BABAM2: variants seen among roughly 807,000 people sequenced by gnomAD.
BABAM2 encodes the protein BRISC and BRCA1 A complex member 2.
Under a neutral mutation model 54.7 loss-of-function variants are expected in BABAM2, and 31 were observed. The observed-to-expected ratio is 0.57, with a 90% CI of 0.43 to 0.77. The LOEUF is 0.77. BABAM2 is among the 30% of genes least tolerant of loss of function. BABAM2 has a pLI of 0.00. For synonymous variants in BABAM2, 167 were observed against 162.9 expected (o/e 1.03, Z -0.19); for missense variants, 364 against 455.8 (o/e 0.80, Z 1.83).
chr2:28,025,804 G>A (rs909815013), intron 5 of BABAM2, among the ~76,000 whole-genome samples: 2 of 152,184 alleles, frequency 1.3e-5, no homozygotes, highest in Admixed American at 6.5e-5. Context: ...TCCCAGTCAG[G>A]TAAGAGAGGT....
At chr2:27,946,628 TAGAGAGAGAGAGAAAGAGAGG>T (rs1192796340) in intron 3 of BABAM2, among the ~76,000 whole-genome samples, 1 of 145,640 alleles carries the variant, frequency 6.9e-6, no homozygotes, top group Non-Finnish European at 1.5e-5. Context: ...TGGAGCGAGA[TAGAGAGAGAGAGAAAGAGAGG>T]CGAGAGAGAG....
intron 5 of BABAM2, among the ~76,000 whole-genome samples, chr2:28,029,137 C>G (rs986882632): frequency 1.3e-5 from 2 of 152,276 alleles, no homozygotes; most frequent in African/African-American, 4.8e-5. Context: ...ATCAGCATGA[C>G]TAAAATTTTT....
At chr2:28,019,618 T>C (rs573091633) in intron 4 of BABAM2, among the ~76,000 whole-genome samples, 12 of 152,362 alleles carry the variant, frequency 7.9e-5, no homozygotes, top group African/African-American at 2.9e-4. Context: ...AGAATCTTTA[T>C]GGTTTCAGGT....
At chr2:28,252,520 G>A (rs536123831) in intron 10 of BABAM2, among the ~76,000 whole-genome samples, 1 of 152,280 alleles carries the variant, frequency 6.6e-6, no homozygotes, top group South Asian at 2.1e-4. Context: ...AGCAACCACT[G>A]TCACTATTTT....
intron 7 of BABAM2, among the ~76,000 whole-genome samples, chr2:28,235,396 C>G (rs1420151052): frequency 6.6e-6 from 1 of 152,024 alleles, no homozygotes; most frequent in Non-Finnish European, 1.5e-5. Flanking sequence ...AGAATGGTCT[C>G]GATCTCTTGA....
At chr2:27,935,273 G>A (rs1046336708) in intron 3 of BABAM2, among the ~76,000 whole-genome samples, 2 of 152,166 alleles carry the variant, frequency 1.3e-5, no homozygotes, top group Admixed American at 1.3e-4. Flanking sequence ...TTTACAGCAC[G>A]GTTTACTGAA....
At chr2:28,313,905 C>T (rs1286261102) in intron 11 of BABAM2, among the ~76,000 whole-genome samples, 3 of 152,180 alleles carry the variant, frequency 2.0e-5, no homozygotes, top group Non-Finnish European at 4.4e-5. Flanking sequence ...ACTCAGCAGA[C>T]TGAGTACAGT....
intron 10 of BABAM2, among the ~76,000 whole-genome samples, chr2:28,282,526 G>A (rs72786703): frequency 0.054 from 8,267 of 152,150 alleles, 284 homozygotes; most frequent in South Asian, 0.12. Context: ...ATGGGCTCCA[G>A]ACACAGCAGG....
At chr2:28,034,627 AGT>A (rs1336956045) in intron 5 of BABAM2, among the ~76,000 whole-genome samples, 1 of 152,120 alleles carries the variant, frequency 6.6e-6, no homozygotes, top group African/African-American at 2.4e-5. Context: ...AGAAAAAGAG[AGT>A]GTTGCTTATC....
intron 7 of BABAM2, among the ~76,000 whole-genome samples, chr2:28,178,174 C>T (rs759224377): frequency 2.0e-4 from 30 of 152,056 alleles, no homozygotes; most frequent in Admixed American, 5.2e-4. Context: ...GTATATTCTA[C>T]CCGACAGCTG....
chr2:27,951,554 C>T (rs1450763605), intron 3 of BABAM2, among the ~76,000 whole-genome samples: 1 of 152,070 alleles, frequency 6.6e-6, no homozygotes, highest in African/African-American at 2.4e-5. Context: ...TATTTTAGTA[C>T]ATGTTCAATG....
chr2:28,307,888 C>T (rs1406915477), intron 11 of BABAM2: 2 of 152,138 alleles, frequency 1.3e-5, no homozygotes, highest in Admixed American at 6.5e-5. Flanking sequence ...AGGCAGAGGA[C>T]ATTGAAATTG....
At chr2:27,902,990 C>T (rs138595977) in intron 2 of BABAM2, among the ~76,000 whole-genome samples, 2 of 152,044 alleles carry the variant, frequency 1.3e-5, no homozygotes, top group East Asian at 3.9e-4. Context: ...AGTCACACAT[C>T]TTTCTTTACG....
chr2:28,042,825 C>A (rs1204950489), intron 5 of BABAM2, among the ~76,000 whole-genome samples: 1 of 151,934 alleles, frequency 6.6e-6, no homozygotes, highest in African/African-American at 2.4e-5. Flanking sequence ...GAGATAAAGA[C>A]CATCCTGGCT....
At chr2:28,227,296 A>T (rs1175031371) in intron 7 of BABAM2, among the ~76,000 whole-genome samples, 2 of 152,134 alleles carry the variant, frequency 1.3e-5, no homozygotes, top group Non-Finnish European at 2.9e-5. Flanking sequence ...ACCCCTCACC[A>T]GTAGGCACCC....
chr2:28,055,743 A>G (rs1054582212), intron 6 of BABAM2, among the ~76,000 whole-genome samples: 8 of 152,248 alleles, frequency 5.3e-5, no homozygotes, highest in African/African-American at 1.9e-4. Flanking sequence ...TTCTGGGCAT[A>G]TAACCAAAGG....
intron 10 of BABAM2, among the ~76,000 whole-genome samples, chr2:28,286,963 G>A (rs1380549813): frequency 1.3e-5 from 2 of 152,084 alleles, no homozygotes; most frequent in African/African-American, 2.4e-5. Flanking sequence ...ATTCATTTGA[G>A]GAACTTTTTT....
chr2:28,059,689 T>G (rs554683662), intron 6 of BABAM2, among the ~76,000 whole-genome samples: 1 of 152,316 alleles, frequency 6.6e-6, no homozygotes, highest in East Asian at 1.9e-4. Flanking sequence ...AAATTAAGAA[T>G]TTCCATACCT....
intron 10 of BABAM2, among the ~76,000 whole-genome samples, chr2:28,273,421 T>C (rs966297286): frequency 3.9e-5 from 6 of 152,126 alleles, no homozygotes; most frequent in Non-Finnish European, 7.4e-5. Context: ...TGTGTGGTTT[T>C]AATAAAATAG....
Sources: gnomAD v4.1 joint callset for allele counts (sites outside exome capture counted in the v4.1 genomes callset) on GRCh38, gnomAD v4.1.1 for gene constraint, MANE v1.5 for transcripts, NCBI Gene and HGNC (gene_info 2026-07-23, HGNC 2026-07-21) for gene names.